The following TXK variants were observed in gnomAD, a reference collection of about 807,000 sequenced individuals.
TXK encodes the protein TXK tyrosine kinase.
Under a neutral mutation model 81.0 loss-of-function variants are expected in TXK, and 60 were observed. The observed-to-expected ratio is 0.74, with a 90% CI of 0.60 to 0.92. TXK has a LOEUF of 0.92. Among genes scored for constraint, TXK ranks in the 40% least tolerant of loss-of-function variants. The pLI is 0.00. For missense variants in TXK, 581 were observed against 638.3 expected, an observed-to-expected ratio of 0.91 and a Z score of 0.97; for synonymous variants, 203 against 210.7, an observed-to-expected ratio of 0.96 and a Z score of 0.32.
rs1717894467 is a variant in TXK at position 48,094,257 on chromosome 4, T to G, written c.582-53A>C. 1.9e-6 allele frequency: 3 copies of G among 1,594,528 alleles called. No individual in the cohort carries two copies. The Admixed American group carries it at 5.0e-5, about 27-fold the overall frequency. ...GAAATGTGAAAGATCAATTTGGATC[T>G]AAGCCAACTCATTAAACAACAGGAC... On this transcript the variant is annotated intron_variant, in intron 7 of 14. Transcript: ENST00000264316.
At chr4:48,130,617 T>C (rs534802050) in intron 1 of TXK, among the ~76,000 whole-genome samples, 1 of 152,304 alleles carries the variant, frequency 6.6e-6, no homozygotes, top group Admixed American at 6.5e-5. Flanking sequence ...CTAGGTCCAA[T>C]TCATACTCAA....
chr4:48,080,813 TAAA>T (rs1717272652), intron 10 of TXK, among the ~76,000 whole-genome samples: 1 of 152,126 alleles, frequency 6.6e-6, no homozygotes, highest in South Asian at 2.1e-4. Flanking sequence ...ATTCAATCTC[TAAA>T]AGCCTTTTAT....
intron 8 of TXK, among the ~76,000 whole-genome samples, chr4:48,091,262 T>C (rs1261249162): frequency 6.6e-6 from 1 of 152,126 alleles, no homozygotes; most frequent in African/African-American, 2.4e-5. Flanking sequence ...GGAGAAACTA[T>C]GAAGGACTTT....
chr4:48,121,897 AACTGT>A (rs1718972811), intron 1 of TXK, among the ~76,000 whole-genome samples: 1 of 152,190 alleles, frequency 6.6e-6, no homozygotes, highest in African/African-American at 2.4e-5. Context: ...AATGTTGCTG[AACTGT>A]ACACTCAAAT....
intron 1 of TXK, among the ~76,000 whole-genome samples, chr4:48,116,238 C>T (rs539986824): frequency 6.6e-5 from 10 of 152,244 alleles, no homozygotes; most frequent in South Asian, 6.2e-4. Flanking sequence ...TGTAAGCCAA[C>T]GGTGAGGACT....
intron 11 of TXK, among the ~76,000 whole-genome samples, 158 bp downstream of exon 11, chr4:48,079,754 T>C (rs1435303374): frequency 1.3e-5 from 2 of 152,160 alleles, no homozygotes; most frequent in Non-Finnish European, 2.9e-5. Flanking sequence ...CAATGGACAA[T>C]TGAAAACAAA....
At chr4:48,127,456 TGCAGAGGGAAAGCTCTTGAGCTTTTA>T (rs1719118988) in intron 1 of TXK, among the ~76,000 whole-genome samples, 1 of 152,220 alleles carries the variant, frequency 6.6e-6, no homozygotes, top group Non-Finnish European at 1.5e-5. Flanking sequence ...CCGATTAACC[TGCAGAGGGAAAGCTCTTGAGCTTTTA>T]GCAAATTCCC....
intron 1 of TXK, among the ~76,000 whole-genome samples, chr4:48,122,236 A>G (rs988182836): frequency 6.6e-6 from 1 of 152,218 alleles, no homozygotes; most frequent in Non-Finnish European, 1.5e-5. Flanking sequence ...AAAATGCTCC[A>G]TGATCTGGCC....
Position 48,079,385 on chromosome 4 carries a change from C to T in TXK, c.1173+527G>A, listed in dbSNP as rs138163315. Among the ~76,000 whole-genome samples the T allele has an allele frequency of 7.1e-4, 108 of 152,308 alleles. 1 individual carries two copies. The East Asian group carries it at 0.012, about 16-fold the overall frequency. On this transcript the variant is annotated intron_variant, in intron 11 of 14. Transcript: ENST00000264316. ...TGCTTGAGATATTTTGCAGACCCTG[C>T]ACTTGATGGATCAGCTGGCACCACC...
At chr4:48,098,157 A>T (rs1288845406) in intron 6 of TXK, among the ~76,000 whole-genome samples, 1 of 152,204 alleles carries the variant, frequency 6.6e-6, no homozygotes, top group Non-Finnish European at 1.5e-5. Context: ...ACATGAAAAG[A>T]AGAAAAACTT....
chr4:48,086,885 C>G (rs1030196093), intron 9 of TXK, among the ~76,000 whole-genome samples: 3 of 152,310 alleles, frequency 2.0e-5, no homozygotes, highest in Admixed American at 2.0e-4. Context: ...AAAATGCACT[C>G]TCTGCTCCCA....
chr4:48,089,827 A>T lies in TXK; in HGVS notation c.710-3T>A, dbSNP rs1389816948. The stretch of plus-strand genomic sequence containing the variant: ...ATATCGGAGACGAGTCATGAGACCT[A>T]AGGAGAAAGAGAAATCAATATTTCA... On this transcript the variant is annotated splice_polypyrimidine_tract_variant and splice_region_variant and intron_variant, in intron 8 of 14. Transcript: ENST00000264316. 6.2e-7 allele frequency: 1 copy of T among 1,609,130 alleles called. No individual in the cohort carries two copies. The highest frequency in any genetic ancestry group is 1.1e-5 in the South Asian group (1 of 90,942).
At position 48,114,641 on chromosome 4, in the gene TXK, A is replaced by T. The variant is rs1718743848; in HGVS notation, c.17-239T>A. The T allele has an allele frequency of 7.7e-6, 4 of 520,938 alleles. No homozygotes were observed. In the East Asian group the frequency reaches 1.3e-4, roughly 17 times the overall value. The allele number at this position is 520,938 out of a possible 1,614,324, so 32.3% of individuals were successfully genotyped here. A position where few individuals can be genotyped will look rare whatever the true frequency, so the allele number is the denominator to read the frequency against. On this transcript the variant is annotated intron_variant, in intron 1 of 14. Transcript: ENST00000264316. ...TCTGGCCTGGTTTTTGCATTTCCTCAGTCTGTGAGTGATAAATGACCAGTG... is the reference window on the plus strand; with the variant it reads ...TCTGGCCTGGTTTTTGCATTTCCTCTGTCTGTGAGTGATAAATGACCAGTG...
chr4:48,130,025 G>A (rs931560235), intron 1 of TXK, among the ~76,000 whole-genome samples: 1 of 152,212 alleles, frequency 6.6e-6, no homozygotes, highest in Non-Finnish European at 1.5e-5. Flanking sequence ...GAGGAGAAAT[G>A]TGGGGATCTG....
chr4:48,070,590 A>T (rs74486918), intron 14 of TXK, among the ~76,000 whole-genome samples: 22,625 of 151,762 alleles, frequency 0.15, 1,957 homozygotes, highest in East Asian at 0.36. Context: ...TTATTTATTT[A>T]TTTTTTGAGA....
chr4:48,116,082 T>C (rs536969432), intron 1 of TXK, among the ~76,000 whole-genome samples: 5 of 152,260 alleles, frequency 3.3e-5, no homozygotes, highest in African/African-American at 1.2e-4. Context: ...AGTCTTAGTT[T>C]TTCTAACTGT....
chr4:48,119,984 C>T (rs527391359), intron 1 of TXK, among the ~76,000 whole-genome samples: 1 of 151,926 alleles, frequency 6.6e-6, no homozygotes, highest in African/African-American at 2.4e-5. Flanking sequence ...TGCCCAAGCC[C>T]ACTTGGAGGT....
At chr4:48,132,901 G>A (rs552092002) in intron 1 of TXK, among the ~76,000 whole-genome samples, 12 of 151,582 alleles carry the variant, frequency 7.9e-5, no homozygotes, top group Admixed American at 6.6e-5. Flanking sequence ...AGCTGAGATC[G>A]TGCCACTGCA....
At chr4:48,110,264 G>A (rs1390741926) in intron 5 of TXK, among the ~76,000 whole-genome samples, 4 of 152,136 alleles carry the variant, frequency 2.6e-5, no homozygotes, top group Non-Finnish European at 5.9e-5. Flanking sequence ...AAATTTTCCA[G>A]TTAAGATATA....
Sources: allele counts gnomAD v4.1 joint callset (sites outside exome capture counted in the v4.1 genomes callset), GRCh38; gene constraint gnomAD v4.1.1; transcripts MANE v1.5; gene names NCBI Gene and HGNC (gene_info 2026-07-23, HGNC 2026-07-21).